CPAMD8: variants seen among roughly 807,000 people sequenced by gnomAD.
The protein encoded by CPAMD8 is C3 and PZP like alpha-2-macroglobulin domain containing 8, also known as C3 and PZP-like alpha-2-macroglobulin domain-containing protein 8.
CPAMD8 carries 146 observed loss-of-function variants against 224.7 expected under a neutral mutation model. The observed-to-expected ratio is 0.65, with a 90% confidence interval of 0.57 to 0.75. The LOEUF is 0.75. Among genes scored for constraint, CPAMD8 ranks in the 30% least tolerant of loss-of-function variants. CPAMD8 has a pLI of 0.00. For missense variants in CPAMD8, 2,301 were observed against 2,537.5 expected, an observed-to-expected ratio of 0.91 and a Z score of 2.00; for synonymous variants, 966 against 1,044.6, an observed-to-expected ratio of 0.92 and a Z score of 1.45.
At chr19:17,017,333 G>A (rs1359975276) in intron 3 of CPAMD8, among the ~76,000 whole-genome samples, 1 of 152,142 alleles carries the variant, frequency 6.6e-6, no homozygotes, top group Admixed American at 6.6e-5. Flanking sequence ...ATATTACAGT[G>A]TAATAATAAT....
At chr19:16,929,675 G>A (rs994113528) in intron 23 of CPAMD8, among the ~76,000 whole-genome samples, 1 of 152,124 alleles carries the variant, frequency 6.6e-6, no homozygotes, top group African/African-American at 2.4e-5. Context: ...ATTCCAGCCT[G>A]GGTGACTCTC....
intron 30 of CPAMD8, among the ~76,000 whole-genome samples, chr19:16,906,429 T>TCCTC: frequency 6.8e-6 from 1 of 147,674 alleles, no homozygotes; most frequent in Non-Finnish European, 1.5e-5. Flanking sequence ...CTTCCTTCCT[T>TCCTC]CCTTCCTTCT....
intron 19 of CPAMD8, among the ~76,000 whole-genome samples, chr19:16,952,452 A>G (rs1388405146): frequency 6.6e-6 from 1 of 152,154 alleles, no homozygotes; most frequent in Admixed American, 6.6e-5. Context: ...CCGAGGTGGG[A>G]GACTGCCCGA....
intron 23 of CPAMD8, among the ~76,000 whole-genome samples, chr19:16,936,614 T>A (rs2053691759): frequency 6.6e-6 from 1 of 151,468 alleles, no homozygotes. Context: ...ACCGTGCTGG[T>A]CAGGCTGGTC....
At chr19:16,967,845 AT>A (rs1222077370) in intron 18 of CPAMD8, among the ~76,000 whole-genome samples, 1 of 57,736 alleles carries the variant, frequency 1.7e-5, no homozygotes, top group Non-Finnish European at 4.3e-5. Context: ...ATATACACAC[AT>A]ATGTGCGTGT....
chr19:16,903,659 C>A (rs2052351439), intron 33 of CPAMD8, 36 bp from the exon 34 acceptor site: 1 of 1,614,036 alleles, frequency 6.2e-7, no homozygotes, highest in Non-Finnish European at 8.5e-7. Flanking sequence ...CCTGCTGACC[C>A]CTCCTCCAAC....
chr19:16,997,247 G>A lies in CPAMD8; in HGVS notation c.959C>T (p.Ala320Val), dbSNP rs185510059. The A allele has an allele frequency of 1.0e-4, 161 of 1,546,842 alleles. No individual in the cohort carries two copies. The East Asian group carries it at 2.3e-3, about 22-fold the overall frequency. ...GCTCCCGTCCACACTGGTCACCATG[G>A]CCCAGATGCTGACCCTGCCCCGGAA... The part of the protein sequence containing the change: ...EHFRGRVSIW[A>V]MVTSVDGSQQ... Residue 320 changes from alanine to valine, a missense_variant, in exon 11 of 42, where the codon GCC becomes GTC. Around this residue, in one of 4 missense-constraint regions of CPAMD8, gnomAD observed 301 missense variants for 406.6 expected, o/e 0.74. Transcript: ENST00000443236.
At chr19:16,979,207 G>A (rs984096796) in intron 14 of CPAMD8, among the ~76,000 whole-genome samples, 1 of 132,376 alleles carries the variant, frequency 7.6e-6, no homozygotes, top group African/African-American at 3.0e-5. Flanking sequence ...GTCATCATCC[G>A]CCCACCCACT....
intron 29 of CPAMD8, 46 bp from the exon 30 acceptor site, chr19:16,907,163 C>T (rs1210241098): frequency 1.4e-6 from 2 of 1,448,822 alleles, no homozygotes. Flanking sequence ...CTGCTCTGCC[C>T]CCATCCCACC....
intron 17 of CPAMD8, among the ~76,000 whole-genome samples, chr19:16,972,668 T>G (rs1435857579): frequency 6.6e-6 from 1 of 152,020 alleles, no homozygotes; most frequent in Non-Finnish European, 1.5e-5. Context: ...TCTCCTGACC[T>G]CGTGATCCGC....
At chr19:16,921,394 G>A (rs576643896) in intron 27 of CPAMD8, among the ~76,000 whole-genome samples, 3 of 152,162 alleles carry the variant, frequency 2.0e-5, no homozygotes, top group African/African-American at 7.2e-5. Context: ...GCAATAGCCT[G>A]AGGATATCAG....
chr19:16,917,267 G>A (rs2052997175), intron 27 of CPAMD8, among the ~76,000 whole-genome samples: 1 of 151,994 alleles, frequency 6.6e-6, no homozygotes, highest in Non-Finnish European at 1.5e-5. Context: ...GAGTGTGTGA[G>A]TGAACTCTAA....
Position 16,945,644 on chromosome 19 carries a change from G to T in CPAMD8, c.2698C>A (p.Arg900=). The T allele has an allele frequency of 4.3e-6, 7 of 1,614,080 alleles. No homozygotes were observed. Among genetic ancestry groups the T allele is most frequent in the Non-Finnish European group, 5.9e-6 (7 of 1,179,948 alleles). Reference sequence around the variant, plus strand: ...GGGTGTTTGCTGGACCTCCCATCCCGGCAGCAATTTGTGTCTCCGTAAGCA... The same window carrying T: ...GGGTGTTTGCTGGACCTCCCATCCCTGCAGCAATTTGTGTCTCCGTAAGCA... The part of the protein sequence containing the change: ...ALAYGDTNCC[R]DGRSSKHPEE... The change falls in exon 22 of 42, where the codon CGG becomes AGG. Residue 900 remains arginine (R), a synonymous_variant. Coordinates refer to ENST00000443236, the MANE Select transcript of CPAMD8 (RefSeq NM_015692.5).
intron 29 of CPAMD8, among the ~76,000 whole-genome samples, chr19:16,908,270 C>T (rs1599673992): frequency 6.6e-6 from 1 of 151,782 alleles, no homozygotes; most frequent in South Asian, 2.1e-4. Flanking sequence ...GAGGCAGGCA[C>T]AAGAATCCCT....
chr19:16,984,154 A>T (rs2055622966), intron 13 of CPAMD8, among the ~76,000 whole-genome samples: 1 of 152,060 alleles, frequency 6.6e-6, no homozygotes, highest in African/African-American at 2.4e-5. Context: ...GGTACATGCA[A>T]AAGAGTGAAG....
At chr19:16,946,072 CAA>C (rs1294885551) in intron 21 of CPAMD8, among the ~76,000 whole-genome samples, 1 of 151,660 alleles carries the variant, frequency 6.6e-6, no homozygotes, top group African/African-American at 2.4e-5. Flanking sequence ...TTTGTGTGTA[CAA>C]GTTTGTATGT....
rs1471146605 is a variant in CPAMD8, at chr19:16,914,875, G to A, written c.3630-62C>T. 15 of 1,301,372 alleles carry A rather than the reference G, an allele frequency of 1.2e-5. No homozygotes were observed. The Admixed American group carries it at 3.3e-4, about 29-fold the overall frequency. 80.6% of individuals were successfully genotyped at this position (1,301,372 alleles called of 1,614,324 possible). ...AATGGTCAGCCCCCACATGCTGGCT[G>A]AGGGATTGCAGCAAGCTCCTGGCAC... On this transcript the variant is annotated intron_variant, in intron 27 of 41. Transcript: ENST00000443236.
chr19:17,005,531 C>A (rs1047119312), intron 7 of CPAMD8, among the ~76,000 whole-genome samples: 23 of 152,120 alleles, frequency 1.5e-4, no homozygotes, highest in Middle Eastern at 3.2e-3. Context: ...TGCCTCTGAG[C>A]CCCGTCCGCA....
chr19:17,011,544 AC>A, intron 4 of CPAMD8, 28 bp from the exon 5 acceptor site: 1 of 1,613,934 alleles, frequency 6.2e-7, no homozygotes, highest in Non-Finnish European at 8.5e-7. Context: ...GGCGTGTGAC[AC>A]CTCCAGACCA....
Sources: allele counts gnomAD v4.1 joint callset (sites outside exome capture counted in the v4.1 genomes callset), GRCh38; gene constraint gnomAD v4.1.1; regional missense constraint gnomAD v4.1.1; transcripts MANE v1.5; gene names NCBI Gene and HGNC (gene_info 2026-07-23, HGNC 2026-07-21).